Variants in AP1M1 observed in about 807,000 individuals in gnomAD.
The protein encoded by AP1M1 is adaptor related protein complex 1 subunit mu 1, also known as AP-1 complex subunit mu-1.
AP1M1 carries 18 observed loss-of-function variants against 57.1 expected under a neutral mutation model. That is an observed-to-expected ratio of 0.32 (90% CI 0.22 to 0.47). AP1M1 has a LOEUF of 0.47. AP1M1 is among the 20% of genes least tolerant of loss of function. The probability of loss-of-function intolerance (pLI) is 1.00; values close to 1 mark genes in which losing one functional copy is unlikely to be tolerated. For synonymous variants in AP1M1, 241 were observed against 237.9 expected, an observed-to-expected ratio of 1.01 and a Z score of -0.12; for missense variants, 362 against 593.5, an observed-to-expected ratio of 0.61 and a Z score of 4.05.
rs1042534240 is a variant in AP1M1 at position 16,206,190 on chromosome 19, T to C, written c.200-151T>C. 1 of 750,362 alleles carries C rather than the reference T, an allele frequency of 1.3e-6. No homozygotes were observed. The highest frequency in any genetic ancestry group is 2.4e-5 in the Admixed American group (1 of 40,894). The allele number at this position is 750,362 out of a possible 1,614,324, so 46.5% of individuals were successfully genotyped here. ...CCAGGTCTAGCTTGGACCAGGAGCT[T>C]TGTAGCCCACCATGGGCCAAGTAAA... is the stretch of plus-strand genomic sequence containing the variant. On this transcript the variant is annotated intron_variant, in intron 2 of 11. Transcript: ENST00000291439. The surrounding 1 kb of genome is among the most constrained non-coding windows in gnomAD (Gnocchi z 4.3).
Position 16,203,138 on chromosome 19 carries a change from A to G in AP1M1, c.43-321A>G, listed in dbSNP as rs2145113055. 1 of 343,354 alleles carries G rather than the reference A, an allele frequency of 2.9e-6. No individual in the cohort carries two copies. Among genetic ancestry groups the G allele is most frequent in the Non-Finnish European group, 5.5e-6 (1 of 182,356 alleles). 21.3% of individuals were successfully genotyped at this position (343,354 alleles called of 1,614,324 possible). On this transcript the variant is annotated intron_variant, in intron 1 of 11. Transcript: ENST00000291439. This position sits in a 1 kb window ranked among gnomAD's most constrained non-coding sequence, Gnocchi z 4.6. ...CGGCAAAGGCTCTGAGAAGGTCTGC[A>G]TTGAGAGCTTGTGAGGCATTGCTTA...
Position 16,228,040 on chromosome 19 carries a change from G to A in AP1M1, c.817-97G>A, listed in dbSNP as rs1008753524. ...TGCAGGGCTCTGGGCCCACACCTGG[G>A]CAGATGGTCCCTTGCCCTGGGCCTT... On this transcript the variant is annotated intron_variant, in intron 7 of 11. Transcript: ENST00000291439. The surrounding 1 kb of genome is among the most constrained non-coding windows in gnomAD (Gnocchi z 5.0). The A allele has an allele frequency of 5.6e-5, 71 of 1,278,240 alleles. No individual in the cohort carries two copies. The highest frequency in any genetic ancestry group is 9.9e-5 in the South Asian group (8 of 80,970). 79.2% of individuals were successfully genotyped at this position (1,278,240 alleles called of 1,614,324 possible).
At chr19:16,232,391 C>T (rs372185657) in intron 9 of AP1M1, among the ~76,000 whole-genome samples, 14 of 152,242 alleles carry the variant, frequency 9.2e-5, no homozygotes, top group African/African-American at 2.2e-4. Context: ...AGGCCTCCAT[C>T]GCCCCTGGCG....
chr19:16,211,027 A>G (rs1424526473), intron 5 of AP1M1, among the ~76,000 whole-genome samples: 1 of 151,492 alleles, frequency 6.6e-6, no homozygotes, highest in Non-Finnish European at 1.5e-5. Flanking sequence ...TCCAGATAGA[A>G]GTCCTCTGTC....
chr19:16,202,921 G>C (rs2091454631), intron 1 of AP1M1: 1 of 156,162 alleles, frequency 6.4e-6, no homozygotes, highest in South Asian at 1.9e-4. Flanking sequence ...CACCAAAGTA[G>C]TTGTCCCATT....
chr19:16,198,337 C>G (rs2091432962), intron 1 of AP1M1: 1 of 237,900 alleles, frequency 4.2e-6, no homozygotes. Context: ...CTCTGCTCCC[C>G]GGCGCCGGGG....
rs934262866 is a variant in AP1M1 at position 16,220,324 on chromosome 19, G to A, written c.547-6097G>A. 7.9e-5 allele frequency among the ~76,000 whole-genome samples: 12 copies of A among 152,166 alleles called. No homozygotes were observed. The South Asian group carries it at 1.9e-3, about 24-fold the overall frequency. On this transcript the variant is annotated intron_variant, in intron 5 of 11. Transcript: ENST00000291439. ...ATCATCTTGCTCAAGTGATCATCCCGCCTCAGCCTCCCAAGTAGCTGGGAC... is the reference window on the plus strand; with the variant it reads ...ATCATCTTGCTCAAGTGATCATCCCACCTCAGCCTCCCAAGTAGCTGGGAC...
At chr19:16,225,142 G>T (rs2091565733) in intron 5 of AP1M1, among the ~76,000 whole-genome samples, 2 of 152,200 alleles carry the variant, frequency 1.3e-5, no homozygotes, top group African/African-American at 2.4e-5. Flanking sequence ...GCTGTCATTT[G>T]CTTGGCACCT....
intron 9 of AP1M1, among the ~76,000 whole-genome samples, chr19:16,231,245 A>C (rs1302690012): frequency 7.0e-6 from 1 of 143,268 alleles, no homozygotes; most frequent in Non-Finnish European, 1.5e-5. Flanking sequence ...CCAAGATTGC[A>C]CCACTGCACT....
At chr19:16,215,194 C>T (rs571713227) in intron 5 of AP1M1, among the ~76,000 whole-genome samples, 188 of 1,922 alleles carry the variant, frequency 0.098, 17 homozygotes, top group Non-Finnish European at 0.18. Context: ...GAGGCTAAGG[C>T]GGGGGCGGGG....
At chr19:16,215,710 C>T (rs2091516663) in intron 5 of AP1M1, among the ~76,000 whole-genome samples, 1 of 152,032 alleles carries the variant, frequency 6.6e-6, no homozygotes, top group Non-Finnish European at 1.5e-5. Flanking sequence ...GAATATTGGC[C>T]TCTCTAGCTA....
chr19:16,207,507 CCTTT>C lies in AP1M1; in HGVS notation c.268-509_268-506del, dbSNP rs1289678611. Among the ~76,000 whole-genome samples, 12 of 152,126 alleles carry C rather than the reference CCTTT, an allele frequency of 7.9e-5. No homozygotes were observed. Among genetic ancestry groups the C allele is most frequent in the Non-Finnish European group, 1.3e-4 (9 of 68,014 alleles). The stretch of plus-strand genomic sequence containing the variant: ...GTCCTCACCCAAGGGTTGGGCTGTG[CCTTT>C]CTGTTTTAGTGACGCTCCTTCCTTC... On this transcript the variant is annotated intron_variant, in intron 3 of 11. Coordinates refer to ENST00000291439, the MANE Select transcript of AP1M1 (RefSeq NM_032493.4). This position sits in a 1 kb window ranked among gnomAD's most constrained non-coding sequence, Gnocchi z 4.2.
At chr19:16,232,717 C>T (rs1461047731) in intron 9 of AP1M1, among the ~76,000 whole-genome samples, 1 of 152,220 alleles carries the variant, frequency 6.6e-6, no homozygotes, top group Non-Finnish European at 1.5e-5. Context: ...CAGCCCTAGG[C>T]GGCAGTAGCT....
chr19:16,243,537 C>T lies in AP1M1; in HGVS notation c.*9102C>T, dbSNP rs912448769. The stretch of plus-strand genomic sequence containing the variant: ...AGTGATCCACCTGCCTCAGCCTCCA[C>T]AGTGCTGGAATTACAGGTGTGAGTC... On this transcript the variant is annotated 3_prime_UTR_variant, in exon 12 of 12. Transcript: ENST00000291439. 6.6e-6 allele frequency: 1 copy of T among 151,614 alleles called. No individual in the cohort carries two copies. The highest frequency in any genetic ancestry group is 1.5e-5 in the Non-Finnish European group (1 of 67,936). The allele number at this position is 151,614 out of a possible 1,614,324, so 9.4% of individuals were successfully genotyped here.
At chr19:16,226,630 G>T in intron 6 of AP1M1, 83 bp downstream of exon 6, 2 of 1,469,622 alleles carry the variant, frequency 1.4e-6, no homozygotes, top group Non-Finnish European at 9.1e-7. Context: ...GGTTGGGCCA[G>T]GCGGAGGAAC....
At chr19:16,225,685 C>T in intron 5 of AP1M1, among the ~76,000 whole-genome samples, 1 of 152,218 alleles carries the variant, frequency 6.6e-6, no homozygotes, top group East Asian at 1.9e-4. Context: ...GGAGCAATGC[C>T]TGGCGCAGTG....
In AP1M1 at chr19:16,237,096, TG is replaced by T. The variant is rs2091627931; in HGVS notation, c.*2664del. 2 of 152,126 alleles carry T rather than the reference TG, an allele frequency of 1.3e-5. No homozygotes were observed. The highest frequency in any genetic ancestry group is 2.4e-5 in the African/African-American group (1 of 41,418). 9.4% of individuals were successfully genotyped at this position (152,126 alleles called of 1,614,324 possible). A position where few individuals can be genotyped will look rare whatever the true frequency, so the allele number is the denominator to read the frequency against. ...ATCAGAAAAAGAGAACCTAACAAAA[TG>T]GGCTGTGTGTGAACAGACAGTATGA... On this transcript the variant is annotated 3_prime_UTR_variant, in exon 12 of 12. Coordinates refer to ENST00000291439, the MANE Select transcript of AP1M1 (RefSeq NM_032493.4).
chr19:16,223,489 A>G (rs1223163667), intron 5 of AP1M1, among the ~76,000 whole-genome samples: 1 of 152,186 alleles, frequency 6.6e-6, no homozygotes, highest in African/African-American at 2.4e-5. Context: ...CCCAGCCCAC[A>G]TGGAGAGAGG....
rs907725935 is a variant in AP1M1 at position 16,203,788 on chromosome 19, CAT to C, written c.199+174_199+175del. Reference sequence around the variant, plus strand: ...GAGACAGGCAGACAATGCACGATGACATGTGTGATGGGTGTGGGGAGAGGAGC... The same window carrying C: ...GAGACAGGCAGACAATGCACGATGACGTGTGATGGGTGTGGGGAGAGGAGC... On this transcript the variant is annotated intron_variant, in intron 2 of 11. Transcript: ENST00000291439. This position sits in a 1 kb window ranked among gnomAD's most constrained non-coding sequence, Gnocchi z 4.6. 2.0e-5 allele frequency among the ~76,000 whole-genome samples: 3 copies of C among 152,190 alleles called. No individual in the cohort carries two copies. The highest frequency in any genetic ancestry group is 1.3e-4 in the Admixed American group (2 of 15,272).
Sources: allele counts gnomAD v4.1 joint callset (sites outside exome capture counted in the v4.1 genomes callset), GRCh38; gene constraint gnomAD v4.1.1; non-coding constraint Gnocchi (gnomAD v3.1); transcripts MANE v1.5; gene names NCBI Gene and HGNC (gene_info 2026-07-23, HGNC 2026-07-21).